SLC13A3: variants seen among roughly 807,000 people sequenced by gnomAD.
SLC13A3 encodes solute carrier family 13 member 3.
Under a neutral mutation model 59.0 loss-of-function variants are expected in SLC13A3, and 40 were observed. The ratio of observed to expected loss-of-function variants is 0.68; its 90% CI spans 0.53 to 0.88. SLC13A3 has a LOEUF of 0.88. SLC13A3 is among the 40% of genes least tolerant of loss of function. SLC13A3 has a pLI of 0.00. For synonymous variants in SLC13A3, 317 were observed against 330.3 expected (o/e 0.96, Z 0.44); for missense variants, 699 against 783.2 (o/e 0.89, Z 1.28).
intron 3 of SLC13A3, among the ~76,000 whole-genome samples, chr20:46,603,440 TC>T (rs2062401015): frequency 1.3e-5 from 2 of 151,922 alleles, no homozygotes; most frequent in Middle Eastern, 3.4e-3. Flanking sequence ...AGTGGCACGA[TC>T]ACAGCTCACA....
At chr20:46,588,424 T>C (rs534034840) in intron 7 of SLC13A3, among the ~76,000 whole-genome samples, 1 of 152,180 alleles carries the variant, frequency 6.6e-6, no homozygotes, top group South Asian at 2.1e-4. Flanking sequence ...AAATCGCGTG[T>C]TTCATTATCA....
chr20:46,588,218 G>T, intron 7 of SLC13A3, 55 bp from the exon 8 acceptor site: 1 of 1,079,150 alleles, frequency 9.3e-7, no homozygotes, highest in Non-Finnish European at 1.4e-6. Flanking sequence ...GCAGACCGCA[G>T]CAGGCACAGG....
At chr20:46,656,226 TAG>T (rs1478037075), upstream of SLC13A3, among the ~76,000 whole-genome samples, 1 of 143,750 alleles carries the variant, frequency 7.0e-6, no homozygotes, top group African/African-American at 2.5e-5. Context: ...GTATGTGATG[TAG>T]ACTGTACAGT....
intron 1 of SLC13A3, among the ~76,000 whole-genome samples, chr20:46,641,013 C>T (rs2062841646): frequency 6.6e-6 from 1 of 152,090 alleles, no homozygotes; most frequent in African/African-American, 2.4e-5. Context: ...TCTATGTGCC[C>T]ACTTGAGGGA....
intron 9 of SLC13A3, chr20:46,582,912 C>T: frequency 1.0e-6 from 1 of 985,320 alleles, no homozygotes; most frequent in East Asian, 1.1e-4. Context: ...CAGTCTACAA[C>T]ATTTTGGTTA....
Position 46,559,918 on chromosome 20 carries a change from G to T in SLC13A3, c.*104C>A. On this transcript the variant is annotated 3_prime_UTR_variant, in exon 13 of 13. Transcript: ENST00000279027. The stretch of plus-strand genomic sequence containing the variant: ...GGTCACCCTTGCTTGCTGCATATTG[G>T]ATTACAGAAAAGAATTATTTGATTG... 8.2e-7 allele frequency: 1 copy of T among 1,218,042 alleles called. No individual in the cohort carries two copies. Among genetic ancestry groups the T allele is most frequent in the Non-Finnish European group, 1.2e-6 (1 of 855,662 alleles). 75.5% of individuals were successfully genotyped at this position (1,218,042 alleles called of 1,614,324 possible).
intron 3 of SLC13A3, chr20:46,600,631 GT>G (rs1295688202): frequency 2.2e-6 from 1 of 462,130 alleles, no homozygotes; most frequent in Non-Finnish European, 4.5e-6. Flanking sequence ...GCTATGAATG[GT>G]AATGAGTCAT....
chr20:46,575,501 C>G, intron 10 of SLC13A3, 72 bp downstream of exon 10: 2 of 829,382 alleles, frequency 2.4e-6, no homozygotes, highest in Admixed American at 2.8e-5. Context: ...CCTGGTGCTG[C>G]AGCCAGCACT....
rs182476154 is a variant in SLC13A3 at position 46,647,044 on chromosome 20, T to C, written c.111+4267A>G. 4.3e-4 allele frequency among the ~76,000 whole-genome samples: 65 copies of C among 152,292 alleles called. No homozygotes were observed. The East Asian group carries it at 9.3e-3, about 22-fold the overall frequency. On this transcript the variant is annotated intron_variant, in intron 1 of 12. Coordinates refer to ENST00000279027, the MANE Select transcript of SLC13A3 (RefSeq NM_022829.6). ...CCAAATATCTCTATCCCAGAGTAAG[T>C]CTGCTGTTGGCCACCGTGACACCTT...
chr20:46,563,548 T>C lies in SLC13A3; in HGVS notation c.1498A>G (p.Ile500Val), dbSNP rs1192746098. ...IFLPVLAELA[I>V]RLRVHPLYLM... ...TACAGGGGGTGCACTCTCAGGCGGATGGCCTGGGCCAGGAAAAGGTGGGAG... is the reference window on the plus strand; with the variant it reads ...TACAGGGGGTGCACTCTCAGGCGGACGGCCTGGGCCAGGAAAAGGTGGGAG... Residue 500 changes from isoleucine (I) to valine (V), a missense_variant, in exon 12 of 13, where the codon ATC (isoleucine) becomes GTC (valine). Transcript: ENST00000279027. 1.9e-6 allele frequency: 3 copies of C among 1,612,452 alleles called. No individual in the cohort carries two copies. Among genetic ancestry groups the C allele is most frequent in the Non-Finnish European group, 2.5e-6 (3 of 1,179,578 alleles).
At chr20:46,668,012 TG>T (rs921404485) in intron 1 of SLC13A3, among the ~76,000 whole-genome samples, 1 of 152,206 alleles carries the variant, frequency 6.6e-6, no homozygotes, top group Non-Finnish European at 1.5e-5. Flanking sequence ...ATAAATATTG[TG>T]TGTATTCTGA....
intron 3 of SLC13A3, chr20:46,608,608 G>C (rs1315661729): frequency 3.4e-6 from 1 of 296,100 alleles, no homozygotes; most frequent in African/African-American, 2.1e-5. Flanking sequence ...TAGTGTTCAG[G>C]GTTGCTGTGA....
chr20:46,593,283 C>A (rs571825650), intron 5 of SLC13A3, among the ~76,000 whole-genome samples: 1 of 152,172 alleles, frequency 6.6e-6, no homozygotes, highest in African/African-American at 2.4e-5. Flanking sequence ...ATGTGCATAT[C>A]CTTTTACCCA....
intron 10 of SLC13A3, among the ~76,000 whole-genome samples, chr20:46,570,175 G>A (rs548455520): frequency 2.0e-5 from 3 of 152,328 alleles, no homozygotes; most frequent in African/African-American, 4.8e-5. Flanking sequence ...TTCTTTAAGC[G>A]ATTGCAGTAA....
At position 46,566,381 on chromosome 20, in the gene SLC13A3, G is replaced by A. The variant is rs201969282; in HGVS notation, c.1342C>T (p.Leu448=). The A allele has an allele frequency of 7.3e-5, 118 of 1,612,232 alleles. No homozygotes were observed. Among genetic ancestry groups the A allele is most frequent in the Admixed American group, 1.0e-4 (6 of 59,872 alleles). Residue 448 remains leucine (L), a synonymous_variant, in exon 11 of 13, where the codon CTG becomes TTG. Coordinates refer to ENST00000279027, the MANE Select transcript of SLC13A3 (RefSeq NM_022829.6). ...AGCTGCCCACCAATCCATACAGACA[G>A]CCCCGATTCCTGCGGAGGGAAAGGC... The part of the protein sequence containing the change: ...AMAKGCEESG[L]SVWIGGQLHP...
intron 10 of SLC13A3, 168 bp from the exon 11 acceptor site, chr20:46,566,558 G>T: frequency 1.6e-6 from 1 of 644,852 alleles, no homozygotes; most frequent in South Asian, 2.6e-5. Context: ...TCGAGCCAAG[G>T]TCACACATCT....
chr20:46,604,016 A>AATT (rs1314295703), intron 3 of SLC13A3, among the ~76,000 whole-genome samples: 1 of 151,958 alleles, frequency 6.6e-6, no homozygotes, highest in Non-Finnish European at 1.5e-5. Flanking sequence ...AGACAGAAAG[A>AATT]ATTTAACAGG....
intron 10 of SLC13A3, 26 bp from the exon 11 acceptor site, chr20:46,566,416 T>C: frequency 1.2e-6 from 2 of 1,603,188 alleles, no homozygotes; most frequent in South Asian, 1.1e-5. Context: ...CATTCCTTCA[T>C]ACCCCAGCCC....
At chr20:46,587,231 A>G (rs1301941538) in intron 8 of SLC13A3, among the ~76,000 whole-genome samples, 1 of 152,186 alleles carries the variant, frequency 6.6e-6, no homozygotes, top group Non-Finnish European at 1.5e-5. Context: ...CTTGACATGT[A>G]TTAACTCATT....
Sources: gnomAD v4.1 joint callset for allele counts (sites outside exome capture counted in the v4.1 genomes callset) on GRCh38, gnomAD v4.1.1 for gene constraint, MANE v1.5 for transcripts, NCBI Gene and HGNC (gene_info 2026-07-23, HGNC 2026-07-21) for gene names.